RGS6: variants seen among roughly 807,000 people sequenced by gnomAD.
The protein encoded by RGS6 is regulator of G-protein signaling 6.
Under a neutral mutation model 78.5 loss-of-function variants are expected in RGS6, and 30 were observed. The observed-to-expected ratio is 0.38, with a 90% CI of 0.29 to 0.52. The LOEUF is 0.52. RGS6 is among the 20% of genes least tolerant of loss of function. RGS6 has a pLI of 0.85. For missense variants in RGS6, 495 were observed against 609.7 expected, an observed-to-expected ratio of 0.81 and a Z score of 1.98; for synonymous variants, 206 against 206.0, an observed-to-expected ratio of 1.00 and a Z score of 0.00.
At chr14:71,888,617 G>A in the RGS6 span, among the ~76,000 whole-genome samples, 1 of 151,868 alleles carries the variant, frequency 6.6e-6, no homozygotes, top group Non-Finnish European at 1.5e-5. Context: ...TCCATCAGTG[G>A]AAGAAGGGTG....
At chr14:72,450,683 C>T (rs912952134) in intron 3 of RGS6, among the ~76,000 whole-genome samples, 4 of 152,030 alleles carry the variant, frequency 2.6e-5, no homozygotes, top group Non-Finnish European at 5.9e-5. Context: ...AGAAACCAGT[C>T]GTGGTAACAA....
chr14:72,470,538 A>T (rs559046615), intron 8 of RGS6, among the ~76,000 whole-genome samples: 1 of 152,344 alleles, frequency 6.6e-6, no homozygotes, highest in African/African-American at 2.4e-5. Flanking sequence ...AAGGCACAGA[A>T]GTCAGACAGT....
At chr14:72,519,811 GT>G (rs2097008100) in intron 15 of RGS6, among the ~76,000 whole-genome samples, 1 of 152,192 alleles carries the variant, frequency 6.6e-6, no homozygotes, top group Non-Finnish European at 1.5e-5. Flanking sequence ...TTCCGTGGGG[GT>G]TCCCTGCATG....
At chr14:72,102,290 ATCTTCTG>A (rs1424580147) in intron 2 of RGS6, among the ~76,000 whole-genome samples, 1 of 152,270 alleles carries the variant, frequency 6.6e-6, no homozygotes, top group East Asian at 1.9e-4. Flanking sequence ...TCTCGCTTTT[ATCTTCTG>A]CTTTACCAAA....
At chr14:72,404,811 C>G (rs1193785471) in intron 3 of RGS6, among the ~76,000 whole-genome samples, 1 of 152,110 alleles carries the variant, frequency 6.6e-6, no homozygotes, top group Non-Finnish European at 1.5e-5. Flanking sequence ...TCCTGCATCC[C>G]GAGATAGCGA....
At chr14:72,554,866 C>A (rs546517721) in intron 17 of RGS6, among the ~76,000 whole-genome samples, 1 of 152,358 alleles carries the variant, frequency 6.6e-6, no homozygotes, top group Non-Finnish European at 1.5e-5. Context: ...TGGCATTCTG[C>A]CACTCATGTA....
intron 2 of RGS6, among the ~76,000 whole-genome samples, chr14:72,242,192 G>A (rs1047788698): frequency 6.6e-6 from 1 of 152,142 alleles, no homozygotes; most frequent in African/African-American, 2.4e-5. Context: ...CCAGAGATAA[G>A]GGTTTATATA....
chr14:72,559,977 A>G (rs1013869935), intron 17 of RGS6, among the ~76,000 whole-genome samples: 1 of 152,174 alleles, frequency 6.6e-6, no homozygotes, highest in African/African-American at 2.4e-5. Context: ...TCCCCTCTCC[A>G]GCCAAAATAA....
chr14:72,190,062 T>C (rs1319799150), intron 2 of RGS6, among the ~76,000 whole-genome samples: 1 of 152,190 alleles, frequency 6.6e-6, no homozygotes, highest in African/African-American at 2.4e-5. Context: ...ACTTTCTTTA[T>C]CCCTCTTTGC....
intron 2 of RGS6, among the ~76,000 whole-genome samples, chr14:72,274,857 A>T (rs1389252506): frequency 1.3e-5 from 2 of 152,234 alleles, no homozygotes; most frequent in East Asian, 3.8e-4. Context: ...AAAATAATAC[A>T]TTTGTGCTGC....
At position 72,562,434 on chromosome 14, in the gene RGS6, C is replaced by A. The variant is rs1178417556; in HGVS notation, c.1440C>A (p.Gly480=). 1.9e-6 allele frequency: 3 copies of A among 1,612,946 alleles called. No individual in the cohort carries two copies. Among genetic ancestry groups the A allele is most frequent in the Non-Finnish European group, 2.5e-6 (3 of 1,180,040 alleles). Residue 480 remains glycine (G), a synonymous_variant, in exon 18 of 18, where the codon GGC becomes GGA. Coordinates refer to ENST00000553525, the MANE Select transcript of RGS6 (RefSeq NM_001204424.2). ...CTCTGCAGGGAAAGTCGCTGGCGGG[C>A]AAGCGCCTCACGGGCCTGATGCAGT... The part of the protein sequence containing the change: ...FTRSVGKSLA[G]KRLTGLMQSS
At chr14:72,254,584 T>G (rs2056646525) in intron 2 of RGS6, among the ~76,000 whole-genome samples, 1 of 152,148 alleles carries the variant, frequency 6.6e-6, no homozygotes, top group African/African-American at 2.4e-5. Flanking sequence ...TTGTCCAATT[T>G]TAGCCTACTG....
intron 2 of RGS6, among the ~76,000 whole-genome samples, chr14:71,970,245 A>G (rs993130652): frequency 2.6e-5 from 4 of 152,194 alleles, no homozygotes; most frequent in African/African-American, 9.7e-5. Flanking sequence ...GAGGAAGACA[A>G]AAAAGGCCAA....
At position 71,980,624 on chromosome 14, in the gene RGS6, G is replaced by A. The variant is rs1343843968; in HGVS notation, c.84+15749G>A. Among the ~76,000 whole-genome samples, 48 of 80,104 alleles carry A rather than the reference G, an allele frequency of 6.0e-4. 9 individuals carry two copies. The highest frequency in any genetic ancestry group is 4.2e-3 in the Admixed American group (35 of 8,370). The allele number at this position is 80,104 out of a possible 152,430, so 52.6% of individuals were successfully genotyped here. ...TTCTGGCTTGTAGGGTTTCTGCTGA[G>A]AGATCCGGTGTTAGTCTGATGGGCT... On this transcript the variant is annotated intron_variant, in intron 2 of 17. Transcript: ENST00000553525.
chr14:72,468,422 A>G (rs1382207852), intron 7 of RGS6, among the ~76,000 whole-genome samples: 3 of 152,124 alleles, frequency 2.0e-5, no homozygotes, highest in Non-Finnish European at 4.4e-5. Flanking sequence ...CTCAGGTTGA[A>G]GTTCTGCACA....
At chr14:72,081,780 G>GA (rs1210299871) in intron 2 of RGS6, among the ~76,000 whole-genome samples, 2 of 151,950 alleles carry the variant, frequency 1.3e-5, no homozygotes, top group Non-Finnish European at 2.9e-5. Context: ...ACTTCAAACT[G>GA]AAAACCGAAG....
chr14:71,928,058 T>G (rs1468980426), upstream of RGS6, among the ~76,000 whole-genome samples: 1 of 152,158 alleles, frequency 6.6e-6, no homozygotes, highest in Non-Finnish European at 1.5e-5. Flanking sequence ...GATCTCACTA[T>G]GTTGCCCAGG....
At chr14:72,148,917 G>T (rs1015474383) in intron 2 of RGS6, among the ~76,000 whole-genome samples, 10 of 152,180 alleles carry the variant, frequency 6.6e-5, no homozygotes, top group Non-Finnish European at 2.9e-5. Context: ...ATCTAACATT[G>T]CATGATAAAG....
At chr14:72,066,489 T>G (rs1330877057) in intron 2 of RGS6, among the ~76,000 whole-genome samples, 1 of 129,802 alleles carries the variant, frequency 7.7e-6, no homozygotes, top group Non-Finnish European at 1.6e-5. Flanking sequence ...TTATTTAATC[T>G]TGTCAGAAGG....
Sources: allele counts gnomAD v4.1 joint callset (sites outside exome capture counted in the v4.1 genomes callset), GRCh38; gene constraint gnomAD v4.1.1; transcripts MANE v1.5; gene names NCBI Gene and HGNC (gene_info 2026-07-23, HGNC 2026-07-21).